KMT2C: variants seen among roughly 807,000 people sequenced by gnomAD.
The protein encoded by KMT2C is histone-lysine N-methyltransferase 2C.
A neutral mutation model predicts 507.9 loss-of-function variants in KMT2C; 88 were observed. The observed-to-expected ratio is 0.17, with a 90% confidence interval of 0.15 to 0.21. KMT2C has a LOEUF of 0.21. Ranked by LOEUF, KMT2C falls within the 10% of genes least tolerant of loss-of-function variation. The pLI, the probability that KMT2C is intolerant of heterozygous loss-of-function variation, is 1.00. For missense variants in KMT2C, 4,954 were observed against 5,957.8 expected (o/e 0.83, Z 5.55); for synonymous variants, 2,049 against 2,080.8 (o/e 0.98, Z 0.42).
At chr7:152,427,784 A>G (rs1002582596) in intron 1 of KMT2C, among the ~76,000 whole-genome samples, 7 of 152,172 alleles carry the variant, frequency 4.6e-5, no homozygotes. Flanking sequence ...TACTTATCCT[A>G]ATCGATTCCT....
intron 6 of KMT2C, among the ~76,000 whole-genome samples, chr7:152,297,331 G>C (rs996121369): frequency 3.3e-5 from 5 of 152,132 alleles, no homozygotes; most frequent in African/African-American, 1.2e-4. Context: ...AAGCAGCAAG[G>C]AATAACTGCA....
intron 38 of KMT2C, among the ~76,000 whole-genome samples, chr7:152,175,460 C>G (rs749984938): frequency 6.7e-6 from 1 of 148,560 alleles, no homozygotes; most frequent in African/African-American, 2.6e-5. Context: ...TAATGCTATC[C>G]GTCCCCTAGC....
intron 2 of KMT2C, among the ~76,000 whole-genome samples, chr7:152,341,026 A>C (rs2096987182): frequency 1.3e-5 from 2 of 152,256 alleles, no homozygotes; most frequent in Non-Finnish European, 2.9e-5. Flanking sequence ...AATTAATAAA[A>C]GAAACTAAAA....
At chr7:152,364,934 GACACACACACACACACAC>G (rs71198778) in intron 1 of KMT2C, among the ~76,000 whole-genome samples, 2 of 138,164 alleles carry the variant, frequency 1.4e-5, no homozygotes, top group South Asian at 4.6e-4. Flanking sequence ...GAAACAGACA[GACACACACACACACACAC>G]ACACACACAC....
chr7:152,256,214 T>G (rs1349915730), intron 9 of KMT2C, among the ~76,000 whole-genome samples: 1 of 152,010 alleles, frequency 6.6e-6, no homozygotes, highest in Admixed American at 6.6e-5. Context: ...GCAGAAAATA[T>G]GAACTCCTCT....
chr7:152,295,236 C>T (rs1267280534), intron 6 of KMT2C, among the ~76,000 whole-genome samples: 1 of 152,162 alleles, frequency 6.6e-6, no homozygotes, highest in Non-Finnish European at 1.5e-5. Flanking sequence ...TTCAAGTAAA[C>T]CTTTTCCAAT....
rs554568571 is a variant in KMT2C, at chr7:152,320,490, C to A, written c.390-5152G>T. ...TCTCAAACTCCTGGCCTCAGGTGAT[C>A]CACCTGCCTTGGCCACCTAAAGTGA... On this transcript the variant is annotated intron_variant, in intron 3 of 58. Coordinates refer to ENST00000262189, the MANE Select transcript of KMT2C (RefSeq NM_170606.3). Among the ~76,000 whole-genome samples, 34 of 152,166 alleles carry A rather than the reference C, an allele frequency of 2.2e-4. 2 individuals are homozygous for A. Among genetic ancestry groups the A allele is most frequent in the African/African-American group, 7.7e-4 (32 of 41,548 alleles).
intron 1 of KMT2C, among the ~76,000 whole-genome samples, chr7:152,374,064 G>C (rs1472586681): frequency 6.6e-6 from 1 of 152,142 alleles, no homozygotes; most frequent in African/African-American, 2.4e-5. Flanking sequence ...TATAATCCCA[G>C]CACTTTGGGA....
At chr7:152,297,854 T>G (rs1334140531) in intron 6 of KMT2C, among the ~76,000 whole-genome samples, 1 of 152,046 alleles carries the variant, frequency 6.6e-6, no homozygotes, top group African/African-American at 2.4e-5. Context: ...CAATCAAAAC[T>G]GACCCAGAAC....
At chr7:152,227,431 C>A in intron 18 of KMT2C, among the ~76,000 whole-genome samples, 1 of 152,190 alleles carries the variant, frequency 6.6e-6, no homozygotes, top group East Asian at 1.9e-4. Context: ...GTGGGACCAG[C>A]CTGTTCTCCC....
chr7:152,238,404 A>G (rs1277881768), intron 15 of KMT2C, among the ~76,000 whole-genome samples: 2 of 152,172 alleles, frequency 1.3e-5, no homozygotes, highest in African/African-American at 4.8e-5. Flanking sequence ...TCTAAGCAAC[A>G]AGGTTTTATG....
rs888335752 is a variant in KMT2C, at chr7:152,185,704, T to C, written c.5009-73A>G. ...GATGTGTTGTAATAAAGAATGTTGA[T>C]GAACTGCTGACAGTTAATCTTATTC... On this transcript the variant is annotated intron_variant, in intron 33 of 58. Transcript: ENST00000262189. The C allele has an allele frequency of 1.0e-5, 11 of 1,078,310 alleles. No individual in the cohort carries two copies. In the African/African-American group the frequency reaches 1.7e-4, roughly 17 times the overall value. 66.8% of individuals were successfully genotyped at this position (1,078,310 alleles called of 1,614,324 possible). A position where few individuals can be genotyped will look rare whatever the true frequency, so the allele number is the denominator to read the frequency against.
At position 152,251,900 on chromosome 7, in the gene KMT2C, A is replaced by G. The variant is rs562512852; in HGVS notation, c.1621+39T>C. ...GGTGATACAATGGCACAACATTACA[A>G]AAACAAAAAATTTAAAAAAAAATCA... On this transcript the variant is annotated intron_variant, in intron 11 of 58. Transcript: ENST00000262189. 36 of 1,526,262 alleles carry G rather than the reference A, an allele frequency of 2.4e-5. No homozygotes were observed. The African/African-American group carries it at 3.3e-4, about 14-fold the overall frequency. 94.5% of individuals were successfully genotyped at this position (1,526,262 alleles called of 1,614,324 possible).
intron 14 of KMT2C, among the ~76,000 whole-genome samples, chr7:152,240,405 C>A (rs533746169): frequency 1.4e-4 from 22 of 152,032 alleles, no homozygotes; most frequent in African/African-American, 5.1e-4. Context: ...ATCTCCTGTA[C>A]GTGTTCTTCC....
chr7:152,142,350 T>C (rs2090658861), intron 55 of KMT2C, among the ~76,000 whole-genome samples: 1 of 152,200 alleles, frequency 6.6e-6, no homozygotes. Flanking sequence ...GCAATTCCTA[T>C]GAAAGCAAAT....
chr7:152,194,006 T>C lies in KMT2C; in HGVS notation c.4660+3A>G, dbSNP rs765811753. On this transcript the variant is annotated splice_donor_region_variant and intron_variant, in intron 31 of 58. Coordinates refer to ENST00000262189, the MANE Select transcript of KMT2C (RefSeq NM_170606.3). Reference sequence around the variant, plus strand: ...AATGTAGAATTATAAAGTCATAACATACCCTGATTGTGTATTGGCAACAGC... The same window carrying C: ...AATGTAGAATTATAAAGTCATAACACACCCTGATTGTGTATTGGCAACAGC... 1 of 1,545,328 alleles carries C rather than the reference T, an allele frequency of 6.5e-7. No individual in the cohort carries two copies. Among genetic ancestry groups the C allele is most frequent in the Non-Finnish European group, 8.7e-7 (1 of 1,154,856 alleles).
intron 1 of KMT2C, among the ~76,000 whole-genome samples, chr7:152,433,122 T>C (rs1348946532): frequency 6.6e-6 from 1 of 151,066 alleles, no homozygotes; most frequent in Non-Finnish European, 1.5e-5. Context: ...CACTACAGCC[T>C]GGGCTACAGA....
chr7:152,231,457 C>A (rs1299750855), intron 16 of KMT2C, among the ~76,000 whole-genome samples: 2 of 152,302 alleles, frequency 1.3e-5, no homozygotes, highest in Non-Finnish European at 2.9e-5. Flanking sequence ...CATAAAACAA[C>A]TGAATTACTT....
At chr7:152,394,316 G>C (rs2097523610) in intron 1 of KMT2C, among the ~76,000 whole-genome samples, 1 of 152,294 alleles carries the variant, frequency 6.6e-6, no homozygotes, top group Non-Finnish European at 1.5e-5. Context: ...ATCTCACAAT[G>C]GTCTACAAGG....
Sources: gnomAD v4.1 joint callset for allele counts (sites outside exome capture counted in the v4.1 genomes callset) on GRCh38, gnomAD v4.1.1 for gene constraint, MANE v1.5 for transcripts, NCBI Gene and HGNC (gene_info 2026-07-23, HGNC 2026-07-21) for gene names.